The following MID1 variants were observed in gnomAD, a reference collection of about 807,000 sequenced individuals.
MID1 encodes E3 ubiquitin-protein ligase Midline-1.
In MID1, 7 loss-of-function variants were observed where a neutral mutation model predicts 40.4. That is an observed-to-expected ratio of 0.17 (90% CI 0.10 to 0.33). The LOEUF (loss-of-function observed/expected upper bound fraction) is 0.33, where lower values mean the gene tolerates loss of function less well. MID1 is among the 10% of genes least tolerant of loss of function. MID1 has a pLI of 1.00. For missense variants in MID1, 367 were observed against 558.5 expected (o/e 0.66, Z 3.46); for synonymous variants, 229 against 221.2 (o/e 1.04, Z -0.31).
intron 1 of MID1, among the ~76,000 whole-genome samples, chrX:10,684,325 C>CGCTT (rs3081830): frequency 7.8e-3 from 858 of 109,545 alleles, no homozygotes; most frequent in Non-Finnish European, 0.014. Context: ...TAAATTGTGC[C>CGCTT]GCTTGCTTGC....
intron 6 of MID1, 30 bp from the exon 7 acceptor site, chrX:10,469,870 A>G: frequency 8.5e-7 from 1 of 1,180,623 alleles, no homozygotes; most frequent in South Asian, 1.8e-5. Context: ...TTATCAGTGG[A>G]AAAGCACACA....
intron 1 of MID1, among the ~76,000 whole-genome samples, chrX:10,634,617 A>G (rs982355233): frequency 1.8e-5 from 2 of 111,425 alleles, no homozygotes; most frequent in Non-Finnish European, 3.8e-5. Flanking sequence ...GGTTATACTA[A>G]TTTAAGTGCC....
chrX:10,530,127 T>C (rs1342028783), intron 2 of MID1, among the ~76,000 whole-genome samples: 1 of 111,836 alleles, frequency 8.9e-6, no homozygotes, highest in Non-Finnish European at 1.9e-5. Flanking sequence ...TGAAGGCAAA[T>C]ATAACATTAT....
At chrX:10,809,221 CAAT>C (rs2044074682) in intron 1 of MID1, among the ~76,000 whole-genome samples, 1 of 111,992 alleles carries the variant, frequency 8.9e-6, no homozygotes, top group East Asian at 2.8e-4. Flanking sequence ...ATCAAAACCA[CAAT>C]GAGATACCAT....
intron 1 of MID1, among the ~76,000 whole-genome samples, chrX:10,754,323 G>GTTTTT (rs59162348): frequency 3.8e-5 from 4 of 106,208 alleles, no homozygotes; most frequent in African/African-American, 1.5e-4. Flanking sequence ...TTTGTTTTTT[G>GTTTTT]TTTTTTTTGT....
At chrX:10,810,154 A>T (rs1249058044) in intron 1 of MID1, among the ~76,000 whole-genome samples, 1 of 111,757 alleles carries the variant, frequency 8.9e-6, no homozygotes, top group Non-Finnish European at 1.9e-5. Context: ...TGTGTTCATT[A>T]GACAAGAACT....
chrX:10,551,797 T>G lies in MID1; in HGVS notation c.660+15091A>C, dbSNP rs754640572. 7.4e-4 allele frequency among the ~76,000 whole-genome samples: 82 copies of G among 111,526 alleles called. 1 individual carries two copies. The highest frequency in any genetic ancestry group is 2.4e-3 in the African/African-American group (75 of 30,734). On this transcript the variant is annotated intron_variant, in intron 2 of 9. Coordinates refer to ENST00000317552, the MANE Select transcript of MID1 (RefSeq NM_000381.4). ...TAGGTTTATTTTTACATTTTTAACG[T>G]TTTAGAGACAGGGTCTTTCTCTGTC...
intron 1 of MID1, among the ~76,000 whole-genome samples, chrX:10,817,574 C>CTCTT (rs1359996388): frequency 5.7e-5 from 2 of 35,378 alleles, no homozygotes; most frequent in African/African-American, 2.2e-4. Flanking sequence ...CTTTCTTTCT[C>CTCTT]TCTTTCTTTC....
At chrX:10,754,007 C>T (rs1202513228) in intron 1 of MID1, among the ~76,000 whole-genome samples, 1 of 112,317 alleles carries the variant, frequency 8.9e-6, no homozygotes, top group Admixed American at 9.5e-5. Context: ...AATTCAAATC[C>T]TTTTCAGACC....
chrX:10,771,468 G>T (rs1034221241), intron 1 of MID1, among the ~76,000 whole-genome samples: 4 of 109,027 alleles, frequency 3.7e-5, no homozygotes, highest in South Asian at 3.9e-4. Context: ...GGTTTTAAAC[G>T]ACGCTTTCTA....
intron 9 of MID1, among the ~76,000 whole-genome samples, chrX:10,454,442 G>A (rs1229214319): frequency 7.2e-5 from 8 of 111,703 alleles, no homozygotes; most frequent in Admixed American, 5.7e-4. Flanking sequence ...TTAACTACTC[G>A]ATTCTGCTGT....
intron 1 of MID1, among the ~76,000 whole-genome samples, chrX:10,823,169 G>T (rs1289031052): frequency 9.0e-6 from 1 of 111,660 alleles, no homozygotes; most frequent in East Asian, 2.8e-4. Context: ...CATGTCCTTT[G>T]CAGGGACATG....
chrX:10,513,773 T>C (rs1401323040), intron 3 of MID1, among the ~76,000 whole-genome samples: 3 of 112,240 alleles, frequency 2.7e-5, no homozygotes, highest in Admixed American at 1.9e-4. Flanking sequence ...CCTCCCAAAG[T>C]GCTGGGATTA....
chrX:10,503,882 T>C (rs754238394), intron 3 of MID1, among the ~76,000 whole-genome samples: 2 of 112,347 alleles, frequency 1.8e-5, no homozygotes, highest in Non-Finnish European at 3.8e-5. Context: ...TTCTTTCTTA[T>C]GAATGAAATA....
At position 10,528,376 on chromosome X, in the gene MID1, C is replaced by A. The variant is rs1017371231; in HGVS notation, c.661-5189G>T. On this transcript the variant is annotated intron_variant, in intron 2 of 9. Transcript: ENST00000317552. ...TTTACACTTATGACACATCTCAACT[C>A]AAACCAGCCCCATTTCAAACACTTG... Among the ~76,000 whole-genome samples, 3 of 112,154 alleles carry A rather than the reference C, an allele frequency of 2.7e-5. No individual in the cohort carries two copies. The Admixed American group carries it at 2.8e-4, about 11-fold the overall frequency.
chrX:10,465,619 C>T (rs1301467311), intron 7 of MID1, among the ~76,000 whole-genome samples: 1 of 111,337 alleles, frequency 9.0e-6, no homozygotes, highest in Non-Finnish European at 1.9e-5. Flanking sequence ...CCTTTAAAGA[C>T]AGGTTTGGAG....
chrX:10,690,658 T>A (rs2043126812), intron 1 of MID1, among the ~76,000 whole-genome samples: 1 of 111,589 alleles, frequency 9.0e-6, no homozygotes, highest in African/African-American at 3.3e-5. Flanking sequence ...TGGGTTCAGG[T>A]CCTGTGTGAT....
chrX:10,810,460 A>C (rs1314022441), intron 1 of MID1, among the ~76,000 whole-genome samples: 2 of 112,089 alleles, frequency 1.8e-5, no homozygotes, highest in Non-Finnish European at 3.8e-5. Flanking sequence ...GGCTATTGTG[A>C]ATAATGCTGC....
rs148033437 is a variant in MID1 at position 10,538,029 on chromosome X, C to T, written c.661-14842G>A. Among the ~76,000 whole-genome samples the T allele has an allele frequency of 2.2e-3, 247 of 111,546 alleles. 2 individuals are homozygous for T. Among genetic ancestry groups the T allele is most frequent in the Non-Finnish European group, 3.7e-3 (194 of 53,104 alleles). On this transcript the variant is annotated intron_variant, in intron 2 of 9. Coordinates refer to ENST00000317552, the MANE Select transcript of MID1 (RefSeq NM_000381.4). ...CTTTGTCACCCAGGCTGGAGTACTGCGGTGTGATCTCAGCTCACTGCAGCC... is the reference window on the plus strand; with the variant it reads ...CTTTGTCACCCAGGCTGGAGTACTGTGGTGTGATCTCAGCTCACTGCAGCC...
Sources: allele counts gnomAD v4.1 joint callset (sites outside exome capture counted in the v4.1 genomes callset), GRCh38; gene constraint gnomAD v4.1.1; transcripts MANE v1.5; gene names NCBI Gene and HGNC (gene_info 2026-07-23, HGNC 2026-07-21).